Variants in PLCH1 observed in about 807,000 individuals in gnomAD.
PLCH1 encodes the protein 1-phosphatidylinositol 4,5-bisphosphate phosphodiesterase eta-1.
PLCH1 carries 60 observed loss-of-function variants against 126.7 expected under a neutral mutation model. The ratio of observed to expected loss-of-function variants is 0.47; its 90% CI spans 0.38 to 0.59. The LOEUF (loss-of-function observed/expected upper bound fraction) is 0.59, where lower values mean the gene tolerates loss of function less well. Among genes scored for constraint, PLCH1 ranks in the 20% least tolerant of loss-of-function variants. The pLI is 0.00. For missense variants in PLCH1, 1,723 were observed against 2,040.0 expected, an observed-to-expected ratio of 0.84 and a Z score of 2.99; for synonymous variants, 719 against 734.9, an observed-to-expected ratio of 0.98 and a Z score of 0.35.
At chr3:155,702,393 G>A (rs1369768769) in intron 2 of PLCH1, among the ~76,000 whole-genome samples, 2 of 152,066 alleles carry the variant, frequency 1.3e-5, no homozygotes, top group Non-Finnish European at 2.9e-5. Context: ...ACAGTGAGGT[G>A]TTGGAATTAG....
At chr3:155,615,132 A>T (rs1560250698) in intron 2 of PLCH1, among the ~76,000 whole-genome samples, 1 of 152,136 alleles carries the variant, frequency 6.6e-6, no homozygotes, top group African/African-American at 2.4e-5. Flanking sequence ...AGGACATGAA[A>T]AGGCAATCCT....
intron 10 of PLCH1, among the ~76,000 whole-genome samples, chr3:155,532,819 A>G (rs952675702): frequency 5.3e-5 from 8 of 152,218 alleles, no homozygotes; most frequent in African/African-American, 1.9e-4. Flanking sequence ...GTGAAAACTG[A>G]CTAATACAGT....
intron 21 of PLCH1, among the ~76,000 whole-genome samples, chr3:155,465,263 G>T (rs375865546): frequency 3.2e-4 from 49 of 152,090 alleles, no homozygotes; most frequent in African/African-American, 1.1e-3. Flanking sequence ...AGGAAGAGTG[G>T]GGAGGACTGT....
chr3:155,464,579 A>T (rs80068201), intron 21 of PLCH1, among the ~76,000 whole-genome samples: 1 of 149,142 alleles, frequency 6.7e-6, no homozygotes, highest in South Asian at 2.1e-4. Flanking sequence ...CAGTTCTATT[A>T]AAAAAAAAAT....
intron 2 of PLCH1, 70 bp downstream of exon 2, chr3:155,704,076 G>A (rs1268861795): frequency 3.5e-6 from 2 of 578,508 alleles, no homozygotes; most frequent in Non-Finnish European, 5.1e-6. Flanking sequence ...TGCATCTAGA[G>A]TGCTAGAATA....
chr3:155,581,085 A>G (rs1299197432), intron 6 of PLCH1, among the ~76,000 whole-genome samples: 3 of 152,222 alleles, frequency 2.0e-5, no homozygotes, highest in African/African-American at 7.2e-5. Flanking sequence ...AGAAAACACA[A>G]TTGTCAAAGT....
At chr3:155,470,808 T>G (rs551127745) in intron 21 of PLCH1, among the ~76,000 whole-genome samples, 1 of 152,098 alleles carries the variant, frequency 6.6e-6, no homozygotes, top group South Asian at 2.1e-4. Context: ...AACCCAGAAT[T>G]TCATATCCAG....
chr3:155,634,393 C>G (rs1024779476), intron 2 of PLCH1, among the ~76,000 whole-genome samples: 1 of 152,132 alleles, frequency 6.6e-6, no homozygotes, highest in Non-Finnish European at 1.5e-5. Flanking sequence ...GGGGAAAAGC[C>G]TCTTTTCCCC....
At chr3:155,558,437 C>T (rs1041511783) in intron 8 of PLCH1, among the ~76,000 whole-genome samples, 5 of 152,246 alleles carry the variant, frequency 3.3e-5, no homozygotes, top group African/African-American at 9.6e-5. Flanking sequence ...CTAAGGCTCC[C>T]GGTAGATGCC....
At chr3:155,681,023 T>C (rs1744484513) in intron 2 of PLCH1, among the ~76,000 whole-genome samples, 1 of 152,042 alleles carries the variant, frequency 6.6e-6, no homozygotes, top group African/African-American at 2.4e-5. Context: ...ATACGTAAAA[T>C]ATAGAATATA....
rs1268196428 is a variant in PLCH1 at position 155,609,639 on chromosome 3, A to T, written c.80-13261T>A. On this transcript the variant is annotated intron_variant, in intron 2 of 22. Transcript: ENST00000460012. ...GAGAAAGGTGAAAAACAAAGAAATT[A>T]AGAAAATAATAAAGGATATGAATGA... Among the ~76,000 whole-genome samples, 5 of 152,280 alleles carry T rather than the reference A, an allele frequency of 3.3e-5. No homozygotes were observed. In the East Asian group the frequency reaches 9.6e-4, roughly 29 times the overall value.
intron 1 of PLCH1, among the ~76,000 whole-genome samples, chr3:155,733,238 A>G (rs933444319): frequency 6.6e-6 from 1 of 152,220 alleles, no homozygotes; most frequent in African/African-American, 2.4e-5. Context: ...ATATGGAACC[A>G]CAAAAGATCC....
At chr3:155,718,331 T>C (rs1577362821) in intron 1 of PLCH1, among the ~76,000 whole-genome samples, 1 of 152,196 alleles carries the variant, frequency 6.6e-6, no homozygotes, top group East Asian at 1.9e-4. Flanking sequence ...CTGAGCCCTC[T>C]AAACTCTTTA....
chr3:155,646,408 CA>C (rs962504604), intron 2 of PLCH1, among the ~76,000 whole-genome samples: 2 of 152,170 alleles, frequency 1.3e-5, no homozygotes, highest in African/African-American at 4.8e-5. Context: ...ACATCCGGAA[CA>C]GCGACCAGCT....
At chr3:155,467,569 T>C (rs1312862028) in intron 21 of PLCH1, among the ~76,000 whole-genome samples, 1 of 140,454 alleles carries the variant, frequency 7.1e-6, no homozygotes, top group Non-Finnish European at 1.5e-5. Flanking sequence ...AACAAAACTC[T>C]GTCTCAAAAA....
intron 2 of PLCH1, among the ~76,000 whole-genome samples, chr3:155,625,618 G>A (rs908720551): frequency 3.9e-5 from 6 of 152,106 alleles, no homozygotes; most frequent in Non-Finnish European, 7.4e-5. Flanking sequence ...CAAAAAGCAT[G>A]AAAAAAAGCT....
intron 2 of PLCH1, among the ~76,000 whole-genome samples, chr3:155,649,779 C>T (rs1740495228): frequency 6.6e-6 from 1 of 152,018 alleles, no homozygotes; most frequent in South Asian, 2.1e-4. Context: ...AAGATTGAGA[C>T]CTTCCTGGTT....
intron 10 of PLCH1, among the ~76,000 whole-genome samples, chr3:155,534,819 C>T (rs949234643): frequency 3.3e-5 from 5 of 152,112 alleles, no homozygotes; most frequent in African/African-American, 1.2e-4. Flanking sequence ...GGCTCTTCTC[C>T]CTTCACTGTT....
chr3:155,552,521 A>C (rs1018599198), intron 9 of PLCH1, among the ~76,000 whole-genome samples: 3 of 152,196 alleles, frequency 2.0e-5, no homozygotes, highest in Admixed American at 6.5e-5. Context: ...AATTAATCAG[A>C]TAGACTAACG....
Sources: allele counts gnomAD v4.1 joint callset (sites outside exome capture counted in the v4.1 genomes callset), GRCh38; gene constraint gnomAD v4.1.1; transcripts MANE v1.5; gene names NCBI Gene and HGNC (gene_info 2026-07-23, HGNC 2026-07-21).